GLI2: variants seen among roughly 807,000 people sequenced by gnomAD.
GLI2 encodes transcription activator GLI2.
A neutral mutation model predicts 78.9 loss-of-function variants in GLI2; 22 were observed. The ratio of observed to expected loss-of-function variants is 0.28; its 90% confidence interval spans 0.20 to 0.40. The LOEUF is 0.40. Among genes scored for constraint, GLI2 ranks in the 10% least tolerant of loss-of-function variants. GLI2 has a pLI of 1.00. For missense variants in GLI2, 2,097 were observed against 2,213.2 expected, an observed-to-expected ratio of 0.95 and a Z score of 1.05; for synonymous variants, 974 against 963.7, an observed-to-expected ratio of 1.01 and a Z score of -0.20.
At chr2:120,980,976 G>C (rs551701834) in intron 10 of GLI2, among the ~76,000 whole-genome samples, 1 of 152,076 alleles carries the variant, frequency 6.6e-6, no homozygotes, top group African/African-American at 2.4e-5. Context: ...CGCATCCCAG[G>C]TTCAAGCGAC....
At chr2:120,952,023 A>G (rs369435766) in intron 4 of GLI2, among the ~76,000 whole-genome samples, 1 of 152,368 alleles carries the variant, frequency 6.6e-6, no homozygotes, top group Non-Finnish European at 1.5e-5. Flanking sequence ...GCAGGGTCAC[A>G]TGGTACAAAT....
intron 2 of GLI2, among the ~76,000 whole-genome samples, chr2:120,921,925 G>T (rs1026452869): frequency 6.6e-6 from 1 of 152,146 alleles, no homozygotes; most frequent in African/African-American, 2.4e-5. Flanking sequence ...CTTTGAATTT[G>T]CTATTCCTTC....
chr2:120,968,681 A>C, intron 5 of GLI2, 33 bp from the exon 6 acceptor site: 2 of 1,373,414 alleles, frequency 1.5e-6, no homozygotes, highest in Non-Finnish European at 2.1e-6. Context: ...ATCCCCAGTG[A>C]TGCTGACCTG....
chr2:120,863,365 G>A (rs556898901), intron 2 of GLI2, among the ~76,000 whole-genome samples: 16 of 152,310 alleles, frequency 1.1e-4, no homozygotes, highest in African/African-American at 3.4e-4. Context: ...CTTCCTGACC[G>A]CGGTCTCCAC....
intron 2 of GLI2, among the ~76,000 whole-genome samples, chr2:120,849,227 G>T (rs1687278475): frequency 6.6e-6 from 1 of 152,140 alleles, no homozygotes; most frequent in African/African-American, 2.4e-5. Flanking sequence ...GTTTCAGTTT[G>T]GGAAGATGGA....
At chr2:120,766,376 C>T (rs1284299170) in intron 1 of GLI2, among the ~76,000 whole-genome samples, 2 of 152,210 alleles carry the variant, frequency 1.3e-5, no homozygotes, top group Admixed American at 6.5e-5. Flanking sequence ...TGGGGCTGAC[C>T]CTAGGCTCCC....
chr2:120,805,186 T>C (rs1346721199), intron 2 of GLI2, among the ~76,000 whole-genome samples: 2 of 152,196 alleles, frequency 1.3e-5, no homozygotes, highest in Non-Finnish European at 2.9e-5. Flanking sequence ...GCCGCCCCAT[T>C]TCCCCAAGCA....
intron 5 of GLI2, among the ~76,000 whole-genome samples, chr2:120,959,595 A>G (rs1437019969): frequency 6.6e-6 from 1 of 152,098 alleles, no homozygotes; most frequent in African/African-American, 2.4e-5. Context: ...ACGGTTACTC[A>G]CGTATGTCTC....
intron 3 of GLI2, among the ~76,000 whole-genome samples, chr2:120,932,161 A>T (rs1679974518): frequency 6.6e-6 from 1 of 152,196 alleles, no homozygotes; most frequent in South Asian, 2.1e-4. Flanking sequence ...CATCAAGCCC[A>T]TGTTGTAGCT....
At chr2:120,799,953 G>A (rs1684616232) in intron 2 of GLI2, among the ~76,000 whole-genome samples, 1 of 152,194 alleles carries the variant, frequency 6.6e-6, no homozygotes, top group Middle Eastern at 3.2e-3. Flanking sequence ...TTCATCTCTA[G>A]GTCTCAGCAT....
chr2:120,839,840 G>C (rs993629859), intron 2 of GLI2, among the ~76,000 whole-genome samples: 1 of 152,354 alleles, frequency 6.6e-6, no homozygotes, highest in East Asian at 1.9e-4. Context: ...TGGGATTACA[G>C]GCGTGAGCCA....
At chr2:120,758,667 G>A (rs911811574) in intron 1 of GLI2, among the ~76,000 whole-genome samples, 5 of 152,242 alleles carry the variant, frequency 3.3e-5, no homozygotes, top group Non-Finnish European at 7.3e-5. Flanking sequence ...CTGCAGCTTC[G>A]GGCGGGGTGG....
rs112020036 is a variant in GLI2, at chr2:120,800,630, C to G, written c.148+3162C>G. 2.0e-5 allele frequency among the ~76,000 whole-genome samples: 3 copies of G among 151,508 alleles called. No homozygotes were observed. Among genetic ancestry groups the G allele is most frequent in the Non-Finnish European group, 4.4e-5 (3 of 67,826 alleles). ...ACGCCATTCTCCTGCCTCAGCCTCCCAGTAGCTGGGACTACAGGCACCCGC... is the reference window on the plus strand; with the variant it reads ...ACGCCATTCTCCTGCCTCAGCCTCCGAGTAGCTGGGACTACAGGCACCCGC... On this transcript the variant is annotated intron_variant, in intron 2 of 13. Coordinates refer to ENST00000361492, the MANE Select transcript of GLI2 (RefSeq NM_001374353.1). This position sits in a 1 kb window ranked among gnomAD's most constrained non-coding sequence, Gnocchi z 4.1.
At chr2:120,856,825 C>T (rs1369909389) in intron 2 of GLI2, among the ~76,000 whole-genome samples, 5 of 152,096 alleles carry the variant, frequency 3.3e-5, no homozygotes, top group African/African-American at 1.2e-4. Context: ...GGATAAAATC[C>T]AGACGGAAAG....
At chr2:120,965,802 G>A (rs541122324) in intron 5 of GLI2, among the ~76,000 whole-genome samples, 8 of 152,342 alleles carry the variant, frequency 5.3e-5, no homozygotes, top group African/African-American at 1.7e-4. Flanking sequence ...TGCTCCATGG[G>A]CCTCCCTGCT....
intron 2 of GLI2, among the ~76,000 whole-genome samples, chr2:120,860,073 G>A (rs754281181): frequency 7.9e-5 from 12 of 152,234 alleles, no homozygotes; most frequent in Non-Finnish European, 1.8e-4. Context: ...AGGTCATGGT[G>A]GTGGTCAGGC....
At chr2:120,837,981 C>T (rs1035766065) in intron 2 of GLI2, among the ~76,000 whole-genome samples, 5 of 152,102 alleles carry the variant, frequency 3.3e-5, no homozygotes, top group African/African-American at 1.2e-4. Flanking sequence ...CTTGTTCTAC[C>T]GTGAGAACTT....
chr2:120,833,323 TC>T (rs1686456080), intron 2 of GLI2, among the ~76,000 whole-genome samples: 1 of 151,676 alleles, frequency 6.6e-6, no homozygotes, highest in Non-Finnish European at 1.5e-5. Flanking sequence ...CCAGAAACAT[TC>T]CCCCTGCAGA....
chr2:120,902,886 T>C (rs555965842), intron 2 of GLI2, among the ~76,000 whole-genome samples: 1 of 152,244 alleles, frequency 6.6e-6, no homozygotes, highest in South Asian at 2.1e-4. Context: ...CCTTGATGGA[T>C]TGGGGAGGAC....
Sources: allele counts gnomAD v4.1 joint callset (sites outside exome capture counted in the v4.1 genomes callset), GRCh38; gene constraint gnomAD v4.1.1; non-coding constraint Gnocchi (gnomAD v3.1); transcripts MANE v1.5; gene names NCBI Gene and HGNC (gene_info 2026-07-23, HGNC 2026-07-21).